Variants in RFLNA observed in about 807,000 individuals in gnomAD.
The protein encoded by RFLNA is refilin-A.
Under a neutral mutation model 7.8 loss-of-function variants are expected in RFLNA, and 5 were observed. That is an observed-to-expected ratio of 0.64 (90% CI 0.34 to 1.35). The LOEUF (loss-of-function observed/expected upper bound fraction) is 1.35, where lower values mean the gene tolerates loss of function less well. RFLNA is among the 40% of genes most tolerant of loss of function. RFLNA has a pLI of 0.04. For missense variants in RFLNA, 278 were observed against 305.5 expected, an observed-to-expected ratio of 0.91 and a Z score of 0.67; for synonymous variants, 141 against 131.3, an observed-to-expected ratio of 1.07 and a Z score of -0.50.
At chr12:124,314,052 T>G (rs2034302436) in intron 2 of RFLNA, 140 bp from the exon 3 acceptor site, 2 of 1,142,696 alleles carry the variant, frequency 1.8e-6, no homozygotes, top group Non-Finnish European at 2.4e-6. Flanking sequence ...TTGACCTTCT[T>G]GACCTTGACA....
At chr12:124,296,105 TTTC>T (rs1282708614) in intron 1 of RFLNA, among the ~76,000 whole-genome samples, 1 of 3,804 alleles carries the variant, frequency 2.6e-4, no homozygotes. Flanking sequence ...TCTTTCTTTC[TTTC>T]TTTCTTTCTT....
chr12:124,312,874 C>T (rs1593040695), intron 2 of RFLNA, among the ~76,000 whole-genome samples: 1 of 152,156 alleles, frequency 6.6e-6, no homozygotes. Context: ...CATCGATTTG[C>T]CCTCCTCTGA....
At chr12:124,308,956 G>C (rs1371082519) in intron 1 of RFLNA, among the ~76,000 whole-genome samples, 1 of 152,256 alleles carries the variant, frequency 6.6e-6, no homozygotes. Flanking sequence ...CGCGTGGCGG[G>C]TGCGACTGAG....
chr12:124,298,386 A>T (rs1331327080), intron 1 of RFLNA, among the ~76,000 whole-genome samples: 1 of 152,012 alleles, frequency 6.6e-6, no homozygotes, highest in Non-Finnish European at 1.5e-5. Context: ...TGGCTGTAAG[A>T]TCACTCCCCA....
At position 124,314,954 on chromosome 12, in the gene RFLNA, T is replaced by G. The variant is rs556181166; in HGVS notation, c.*429T>G. The G allele has an allele frequency of 2.3e-3, 777 of 343,820 alleles. 7 individuals are homozygous for G. The highest frequency in any genetic ancestry group is 0.015 in the African/African-American group (718 of 47,008). 21.3% of individuals were successfully genotyped at this position (343,820 alleles called of 1,614,324 possible). A position where few individuals can be genotyped will look rare whatever the true frequency, so the allele number is the denominator to read the frequency against. On this transcript the variant is annotated 3_prime_UTR_variant, in exon 3 of 3. Transcript: ENST00000546355. ...CAGAGCCCTGCCACCCCATGTGTCC[T>G]AGGCTGGTGGCCAAGGCCATGTGTG...
At chr12:124,309,562 A>C (rs2034201070) in intron 1 of RFLNA, among the ~76,000 whole-genome samples, 1 of 152,218 alleles carries the variant, frequency 6.6e-6, no homozygotes, top group Non-Finnish European at 1.5e-5. Context: ...CTCTGGGTCT[A>C]TTATTCATAA....
rs893950775 is a variant in RFLNA at position 124,306,530 on chromosome 12, G to A, written c.208-5288G>A. 1.2e-4 allele frequency among the ~76,000 whole-genome samples: 19 copies of A among 152,176 alleles called. No individual in the cohort carries two copies. The highest frequency in any genetic ancestry group is 1.8e-4 in the Non-Finnish European group (12 of 68,028). On this transcript the variant is annotated intron_variant, in intron 1 of 2. Coordinates refer to ENST00000546355, the MANE Select transcript of RFLNA (RefSeq NM_001365156.1). The surrounding 1 kb of genome is among the most constrained non-coding windows in gnomAD (Gnocchi z 5.2). ...GCCCCTGGGCATGAAAGGCAGTGGA[G>A]GAGCGAGGGTGAGGGCCCGGGACCT...
At position 124,314,383 on chromosome 12, in the gene RFLNA, T is replaced by A; in HGVS notation, c.509T>A (p.Ile170Asn). The A allele has an allele frequency of 6.2e-7, 1 of 1,611,974 alleles. No homozygotes were observed. The highest frequency in any genetic ancestry group is 8.5e-7 in the Non-Finnish European group (1 of 1,179,918). ...RALRFRSTTI[I>N]FPKHARSTFR... ...CTGCGCTTCCGCAGCACCACCATCATCTTCCCCAAGCATGCCAGGAGCACT... is the reference window on the plus strand; with the variant it reads ...CTGCGCTTCCGCAGCACCACCATCAACTTCCCCAAGCATGCCAGGAGCACT... The change falls in exon 3 of 3, where the codon ATC becomes AAC. Residue 170 changes from isoleucine (I) to asparagine (N), a missense_variant. Coordinates refer to ENST00000546355, the MANE Select transcript of RFLNA (RefSeq NM_001365156.1).
At chr12:124,311,964 GT>G (rs2034253227) in intron 2 of RFLNA, 37 bp downstream of exon 2, 8 of 1,492,874 alleles carry the variant, frequency 5.4e-6, no homozygotes, top group South Asian at 1.3e-5. Context: ...GGAGGAGGGG[GT>G]GGGGGGTTGG....
intron 1 of RFLNA, among the ~76,000 whole-genome samples, chr12:124,299,895 C>T (rs10773081): frequency 0.76 from 116,187 of 152,080 alleles, 46,683 homozygotes; most frequent in Non-Finnish European, 0.9. Flanking sequence ...TCCTCCTCCC[C>T]GCCCTGCCCG....
intron 1 of RFLNA, among the ~76,000 whole-genome samples, chr12:124,303,577 C>A (rs1349563296): frequency 6.6e-6 from 1 of 152,168 alleles, no homozygotes; most frequent in Non-Finnish European, 1.5e-5. Context: ...ATCTGGGTGA[C>A]CCTCCTGTGT....
At chr12:124,307,640 TCTC>T (rs2034158787) in intron 1 of RFLNA, among the ~76,000 whole-genome samples, 6 of 152,058 alleles carry the variant, frequency 3.9e-5, no homozygotes, top group Admixed American at 3.9e-4. Flanking sequence ...CCACGGGTGG[TCTC>T]AGCCAGCCCC....
rs1365347012 is a variant in RFLNA at position 124,295,319 on chromosome 12, G to T, written c.-111G>T. The T allele has an allele frequency of 1.8e-5, 9 of 488,034 alleles. No individual in the cohort carries two copies. The highest frequency in any genetic ancestry group is 4.9e-5 in the East Asian group (1 of 20,468). The allele number at this position is 488,034 out of a possible 1,614,324, so 30.2% of individuals were successfully genotyped here. A position where few individuals can be genotyped will look rare whatever the true frequency, so the allele number is the denominator to read the frequency against. ...CTGATCGCCGCCTCTCGCGGTGCCC[G>T]CAGGTCCCCGGGCGCGCAGCTCTCG... On this transcript the variant is annotated 5_prime_UTR_variant, in exon 1 of 3. Transcript: ENST00000546355.
At chr12:124,295,862 G>A (rs192427077) in intron 1 of RFLNA, among the ~76,000 whole-genome samples, 6 of 152,078 alleles carry the variant, frequency 3.9e-5, no homozygotes, top group Admixed American at 6.5e-5. Flanking sequence ...CCTGGCGGTG[G>A]GCCTCCCTCC....
chr12:124,314,412 C>T lies in RFLNA; in HGVS notation c.538C>T (p.Arg180Trp), dbSNP rs201440039. ...IFPKHARSTF[R>W]TTLHCSLGRP... ...CCCCAAGCATGCCAGGAGCACTTTCCGGACCACCCTGCACTGCAGCCTGGG... is the reference window on the plus strand; with the variant it reads ...CCCCAAGCATGCCAGGAGCACTTTCTGGACCACCCTGCACTGCAGCCTGGG... Residue 180 changes from arginine to tryptophan, a missense_variant, in exon 3 of 3, where the codon CGG (arginine) becomes TGG (tryptophan). Arg to Trp is a moderately radical substitution (Grantham distance 101). Transcript: ENST00000546355. The T allele has an allele frequency of 4.0e-5, 64 of 1,607,616 alleles. 1 individual carries two copies. In the South Asian group the frequency reaches 5.3e-4, roughly 13 times the overall value.
intron 2 of RFLNA, 48 bp from the exon 3 acceptor site, chr12:124,314,144 G>A: frequency 6.4e-7 from 1 of 1,570,800 alleles, no homozygotes; most frequent in Non-Finnish European, 8.6e-7. Flanking sequence ...AGGGAATCGG[G>A]CTGCCCCCAA....
chr12:124,314,732 G>T lies in RFLNA; in HGVS notation c.*207G>T, dbSNP rs2034320643. On this transcript the variant is annotated 3_prime_UTR_variant, in exon 3 of 3. Transcript: ENST00000546355. Reference sequence around the variant, plus strand: ...GTGGTCTCCTTGTTTTGGTGTCAAGGACTCAGTAAAAGCATCTATTTTTTT... The same window carrying T: ...GTGGTCTCCTTGTTTTGGTGTCAAGTACTCAGTAAAAGCATCTATTTTTTT... 2.3e-6 allele frequency: 2 copies of T among 870,844 alleles called. No homozygotes were observed. The highest frequency in any genetic ancestry group is 1.7e-5 in the African/African-American group (1 of 60,314). 53.9% of individuals were successfully genotyped at this position (870,844 alleles called of 1,614,324 possible). A position where few individuals can be genotyped will look rare whatever the true frequency, so the allele number is the denominator to read the frequency against.
upstream of RFLNA, among the ~76,000 whole-genome samples, chr12:124,293,643 G>T (rs569374976): frequency 2.6e-5 from 4 of 152,252 alleles, no homozygotes; most frequent in Admixed American, 2.6e-4. Flanking sequence ...GGTTAGTTGG[G>T]TCTGTTTGGG....
chr12:124,300,041 A>T (rs1335885234), intron 1 of RFLNA, among the ~76,000 whole-genome samples: 7 of 152,220 alleles, frequency 4.6e-5, no homozygotes. Flanking sequence ...GGGAGGCTGA[A>T]AGTGGCATTT....
Sources: gnomAD v4.1 joint callset for allele counts (sites outside exome capture counted in the v4.1 genomes callset) on GRCh38, gnomAD v4.1.1 for gene constraint, Gnocchi (gnomAD v3.1) non-coding constraint, MANE v1.5 for transcripts, NCBI Gene and HGNC (gene_info 2026-07-23, HGNC 2026-07-21) for gene names.